The following DACH1 variants were observed in gnomAD, a reference collection of about 807,000 sequenced individuals.
DACH1 encodes dachshund homolog 1.
DACH1 carries 12 observed loss-of-function variants against 54.2 expected under a neutral mutation model. The observed-to-expected ratio is 0.22, with a 90% CI of 0.14 to 0.36. The LOEUF is 0.36. Among genes scored for constraint, DACH1 ranks in the 10% least tolerant of loss-of-function variants. DACH1 has a pLI of 1.00. For missense variants in DACH1, 805 were observed against 929.8 expected (o/e 0.87, Z 1.75); for synonymous variants, 386 against 366.2 (o/e 1.05, Z -0.62).
intron 1 of DACH1, among the ~76,000 whole-genome samples, chr13:71,764,036 A>G (rs1228823266): frequency 3.9e-5 from 6 of 152,202 alleles, no homozygotes; most frequent in Admixed American, 3.9e-4. Flanking sequence ...TAGAGCAAAT[A>G]TCAGGGTTTA....
At chr13:71,454,902 T>C (rs1001620334) in intron 10 of DACH1, among the ~76,000 whole-genome samples, 1 of 152,230 alleles carries the variant, frequency 6.6e-6, no homozygotes, top group East Asian at 1.9e-4. Flanking sequence ...GTGACACTAA[T>C]AGTCATTCCG....
At chr13:71,840,239 C>T (rs1052926827) in intron 1 of DACH1, among the ~76,000 whole-genome samples, 8 of 152,222 alleles carry the variant, frequency 5.3e-5, no homozygotes, top group South Asian at 2.1e-4. Context: ...TGAGCCACCA[C>T]GCTGGGTCTA....
intron 2 of DACH1, among the ~76,000 whole-genome samples, chr13:71,658,944 G>GA (rs1879319044): frequency 6.6e-6 from 1 of 152,040 alleles, no homozygotes; most frequent in African/African-American, 2.4e-5. Context: ...TTTCTTAGGA[G>GA]AAAAATCTGA....
chr13:71,792,370 A>ACACACC (rs893400174), intron 1 of DACH1, among the ~76,000 whole-genome samples: 32 of 149,864 alleles, frequency 2.1e-4, no homozygotes, highest in African/African-American at 7.4e-4. Context: ...ACACACACAC[A>ACACACC]CCCCTGGAAT....
rs1373739652 is a variant in DACH1, at chr13:71,547,711, T to C, written c.1570+9313A>G. 2.0e-5 allele frequency among the ~76,000 whole-genome samples: 3 copies of C among 152,156 alleles called. 1 individual carries two copies. The South Asian group carries it at 6.2e-4, about 32-fold the overall frequency. On this transcript the variant is annotated intron_variant, in intron 6 of 10. Transcript: ENST00000613252. ...CCTTTAAAATACCTTCAAAATATCA[T>C]CAGGTTACTATGCATTTAAACATAA...
At chr13:71,459,019 T>C (rs188082917) in intron 10 of DACH1, among the ~76,000 whole-genome samples, 52 of 152,014 alleles carry the variant, frequency 3.4e-4, no homozygotes, top group East Asian at 2.1e-3. Context: ...CTGCTACAGA[T>C]AGATTCAACA....
chr13:71,835,207 C>G (rs539007375), intron 1 of DACH1, among the ~76,000 whole-genome samples: 4 of 152,046 alleles, frequency 2.6e-5, no homozygotes, highest in African/African-American at 9.6e-5. Flanking sequence ...GAAAAGAAAC[C>G]GGCCTGTTCA....
rs576257801 is a variant in DACH1 at position 71,458,504 on chromosome 13, T to C, written c.2083+16637A>G. Among the ~76,000 whole-genome samples the C allele has an allele frequency of 4.6e-5, 7 of 151,950 alleles. No homozygotes were observed. In the South Asian group the frequency reaches 1.5e-3, roughly 32 times the overall value. ...GAGAATTCTAGACCTTTTACATCTC[T>C]TAGGGAAAAAATATCAAAATTTCTA... is the stretch of plus-strand genomic sequence containing the variant. On this transcript the variant is annotated intron_variant, in intron 10 of 10. Coordinates refer to ENST00000613252, the MANE Select transcript of DACH1 (RefSeq NM_080759.6).
chr13:71,552,732 G>A (rs1352755640), intron 6 of DACH1, among the ~76,000 whole-genome samples: 1 of 139,732 alleles, frequency 7.2e-6, no homozygotes, highest in African/African-American at 2.7e-5. Flanking sequence ...TGAGGACTCC[G>A]GATGTTTGGA....
chr13:71,792,184 T>G (rs1886861164), intron 1 of DACH1, among the ~76,000 whole-genome samples: 3 of 152,138 alleles, frequency 2.0e-5, no homozygotes, highest in African/African-American at 7.2e-5. Context: ...TTACTCTAAC[T>G]TTTCCGCCCA....
chr13:71,513,719 T>A (rs557867034), intron 6 of DACH1, among the ~76,000 whole-genome samples: 11 of 152,118 alleles, frequency 7.2e-5, no homozygotes, highest in African/African-American at 2.6e-4. Context: ...TTTTCAAGGG[T>A]TTTGTATAAT....
intron 4 of DACH1, among the ~76,000 whole-genome samples, chr13:71,571,993 T>C (rs982588348): frequency 8.5e-5 from 13 of 152,116 alleles, no homozygotes; most frequent in Non-Finnish European, 1.9e-4. Flanking sequence ...GGGCCGTTTA[T>C]ATAAGATGTG....
At chr13:71,562,938 A>C (rs1192360813) in intron 4 of DACH1, among the ~76,000 whole-genome samples, 3 of 152,126 alleles carry the variant, frequency 2.0e-5, no homozygotes, top group Non-Finnish European at 4.4e-5. Flanking sequence ...GGATGCATTT[A>C]TAAGGCTATA....
rs143840308 is a variant in DACH1 at position 71,568,627 on chromosome 13, T to G, written c.1299+4213A>C. On this transcript the variant is annotated intron_variant, in intron 4 of 10. Transcript: ENST00000613252. ...ATTGAGATGCAAATTTTAATTTGAT[T>G]AATGAATATACTTCTCACTCTTAAA... 7.7e-3 allele frequency among the ~76,000 whole-genome samples: 1,179 copies of G among 152,190 alleles called. 13 individuals carry two copies. The highest frequency in any genetic ancestry group is 0.022 in the African/African-American group (913 of 41,578).
chr13:71,593,398 T>C (rs1274695334), intron 3 of DACH1, among the ~76,000 whole-genome samples: 1 of 152,138 alleles, frequency 6.6e-6, no homozygotes, highest in Non-Finnish European at 1.5e-5. Flanking sequence ...TTATCTATTA[T>C]ATTAATGATT....
rs1010408525 is a variant in DACH1, at chr13:71,547,449, C to T, written c.1570+9575G>A. Among the ~76,000 whole-genome samples, 3 of 152,026 alleles carry T rather than the reference C, an allele frequency of 2.0e-5. No homozygotes were observed. In the East Asian group the frequency reaches 5.8e-4, roughly 29 times the overall value. On this transcript the variant is annotated intron_variant, in intron 6 of 10. Coordinates refer to ENST00000613252, the MANE Select transcript of DACH1 (RefSeq NM_080759.6). Reference sequence around the variant, plus strand: ...TCTGTCAATTTCACAGTAGTTAAAACAATTGTACTTGTTTAATATTCTGAA... The same window carrying T: ...TCTGTCAATTTCACAGTAGTTAAAATAATTGTACTTGTTTAATATTCTGAA...
intron 1 of DACH1, among the ~76,000 whole-genome samples, chr13:71,824,394 C>A (rs1888304337): frequency 6.6e-6 from 1 of 151,880 alleles, no homozygotes; most frequent in Admixed American, 6.6e-5. Context: ...GGAACTTTCC[C>A]TAATACTCTG....
chr13:71,702,161 T>G (rs985710507), intron 1 of DACH1, among the ~76,000 whole-genome samples: 1 of 152,174 alleles, frequency 6.6e-6, no homozygotes, highest in African/African-American at 2.4e-5. Context: ...GCTCAAATTA[T>G]TCACATCTAA....
intron 6 of DACH1, among the ~76,000 whole-genome samples, chr13:71,498,950 G>C (rs1458355172): frequency 3.9e-5 from 6 of 152,046 alleles, no homozygotes; most frequent in African/African-American, 1.4e-4. Flanking sequence ...TCTTGGCCTT[G>C]ACAGCAAATC....
Sources: allele counts gnomAD v4.1 joint callset (sites outside exome capture counted in the v4.1 genomes callset), GRCh38; gene constraint gnomAD v4.1.1; transcripts MANE v1.5; gene names NCBI Gene and HGNC (gene_info 2026-07-23, HGNC 2026-07-21).